The following CCSER1 variants were observed in gnomAD, a reference collection of about 807,000 sequenced individuals.
CCSER1 encodes serine-rich coiled-coil domain-containing protein 1.
Under a neutral mutation model 82.0 loss-of-function variants are expected in CCSER1, and 41 were observed. The observed-to-expected ratio is 0.50, with a 90% CI of 0.39 to 0.65. The LOEUF (loss-of-function observed/expected upper bound fraction) is 0.65. Ranked by LOEUF, CCSER1 falls within the 30% of genes least tolerant of loss-of-function variation. The pLI, the probability that CCSER1 is intolerant of heterozygous loss-of-function variation, is 0.00. For synonymous variants in CCSER1, 414 were observed against 383.9 expected, an observed-to-expected ratio of 1.08 and a Z score of -0.92; for missense variants, 1,119 against 1,064.2, an observed-to-expected ratio of 1.05 and a Z score of -0.72.
chr4:91,235,818 G>A (rs182925712), intron 10 of CCSER1, among the ~76,000 whole-genome samples: 2 of 152,174 alleles, frequency 1.3e-5, no homozygotes, highest in South Asian at 2.1e-4. Context: ...TTTTCCCTAA[G>A]TATAGAATGA....
intron 6 of CCSER1, chr4:90,649,359 T>C (rs577679474): frequency 6.6e-6 from 1 of 152,334 alleles, no homozygotes; most frequent in Admixed American, 6.5e-5. Flanking sequence ...GCCCTCTCAA[T>C]ATTCACATGT....
intron 1 of CCSER1, among the ~76,000 whole-genome samples, chr4:90,267,289 C>T (rs559296871): frequency 1.3e-5 from 2 of 152,084 alleles, no homozygotes; most frequent in African/African-American, 4.8e-5. Context: ...GGGGGAAAGA[C>T]TTTGTCATGT....
intron 1 of CCSER1, among the ~76,000 whole-genome samples, chr4:90,189,284 C>T (rs1028877010): frequency 2.0e-5 from 3 of 151,838 alleles, no homozygotes; most frequent in Admixed American, 2.0e-4. Context: ...ATTACAAGTA[C>T]AATACAATGT....
At chr4:91,511,415 G>C (rs928013287) in intron 10 of CCSER1, among the ~76,000 whole-genome samples, 2 of 152,104 alleles carry the variant, frequency 1.3e-5, no homozygotes, top group African/African-American at 4.8e-5. Context: ...GCTCTGGGTA[G>C]TATGGCCATT....
At chr4:91,004,215 G>C (rs551359951) in intron 9 of CCSER1, among the ~76,000 whole-genome samples, 2 of 152,124 alleles carry the variant, frequency 1.3e-5, no homozygotes, top group Non-Finnish European at 2.9e-5. Flanking sequence ...CTGCAAATGA[G>C]CTGCAATCTA....
At chr4:90,783,969 AC>A (rs1443966314) in intron 7 of CCSER1, among the ~76,000 whole-genome samples, 1 of 151,828 alleles carries the variant, frequency 6.6e-6, no homozygotes, top group East Asian at 1.9e-4. Context: ...GCTGCAACTT[AC>A]AAAAAAAAAG....
chr4:90,350,110 A>G (rs1368190687), intron 3 of CCSER1, among the ~76,000 whole-genome samples: 5 of 152,186 alleles, frequency 3.3e-5, no homozygotes, highest in Non-Finnish European at 7.4e-5. Context: ...TGAATTAATA[A>G]GTCATGAACA....
At chr4:91,068,356 T>C (rs1721060566) in intron 9 of CCSER1, among the ~76,000 whole-genome samples, 1 of 152,206 alleles carries the variant, frequency 6.6e-6, no homozygotes, top group African/African-American at 2.4e-5. Context: ...AACATTGATC[T>C]GTGAGATAAA....
intron 6 of CCSER1, among the ~76,000 whole-genome samples, chr4:90,632,413 A>G (rs1724623073): frequency 1.3e-5 from 2 of 151,986 alleles, no homozygotes; most frequent in Non-Finnish European, 2.9e-5. Context: ...CACCATAACA[A>G]CATAAATCAT....
chr4:90,485,915 A>G (rs978472969), intron 5 of CCSER1, among the ~76,000 whole-genome samples: 7 of 152,106 alleles, frequency 4.6e-5, no homozygotes, highest in Admixed American at 3.9e-4. Flanking sequence ...TTTAATGGCT[A>G]CGTATATACT....
chr4:91,463,249 G>T lies in CCSER1; in HGVS notation c.2218-135323G>T, dbSNP rs1413816346. On this transcript the variant is annotated intron_variant, in intron 10 of 10. Coordinates refer to ENST00000509176, the MANE Select transcript of CCSER1 (RefSeq NM_001145065.2). Reference sequence around the variant, plus strand: ...CGCTGCTGATACCCAGGCAAACAGGGTCTGGAGTGGACCTCCAGCAAACTC... The same window carrying T: ...CGCTGCTGATACCCAGGCAAACAGGTTCTGGAGTGGACCTCCAGCAAACTC... 2.0e-5 allele frequency among the ~76,000 whole-genome samples: 3 copies of T among 152,188 alleles called. No homozygotes were observed. In the East Asian group the frequency reaches 5.8e-4, roughly 29 times the overall value.
rs1028217087 is a variant in CCSER1 at position 91,018,286 on chromosome 4, C to T, written c.2173-67664C>T. Reference sequence around the variant, plus strand: ...TATTTCTTTTCTTAATAAATGGTACCACTGAAGCTAGAAAGCCATTGCCCT... The same window carrying T: ...TATTTCTTTTCTTAATAAATGGTACTACTGAAGCTAGAAAGCCATTGCCCT... On this transcript the variant is annotated intron_variant, in intron 9 of 10. Coordinates refer to ENST00000509176, the MANE Select transcript of CCSER1 (RefSeq NM_001145065.2). Among the ~76,000 whole-genome samples the T allele has an allele frequency of 2.6e-5, 4 of 152,118 alleles. No homozygotes were observed. The East Asian group carries it at 7.7e-4, about 29-fold the overall frequency.
chr4:91,009,221 T>C (rs1336668831), intron 9 of CCSER1, among the ~76,000 whole-genome samples: 1 of 152,094 alleles, frequency 6.6e-6, no homozygotes, highest in African/African-American at 2.4e-5. Flanking sequence ...CAAGATTTAA[T>C]AGAGTGAAAA....
intron 10 of CCSER1, among the ~76,000 whole-genome samples, chr4:91,346,088 G>A (rs1578232995): frequency 6.6e-6 from 1 of 150,642 alleles, no homozygotes; most frequent in Non-Finnish European, 1.5e-5. Flanking sequence ...CAGTGGTGTG[G>A]TCTTGGCTCA....
At chr4:90,710,180 G>A (rs116000212) in intron 6 of CCSER1, among the ~76,000 whole-genome samples, 3,118 of 152,116 alleles carry the variant, frequency 0.02, 43 homozygotes, top group Non-Finnish European at 0.027. Flanking sequence ...CTAGACTCTG[G>A]ATATTAGACC....
intron 10 of CCSER1, among the ~76,000 whole-genome samples, chr4:91,091,548 T>G (rs1158832142): frequency 6.6e-6 from 1 of 152,108 alleles, no homozygotes; most frequent in African/African-American, 2.4e-5. Context: ...ATAAGGAAAA[T>G]AAGTCCCACG....
In CCSER1 at chr4:91,389,956, A is replaced by T. The variant is rs529646070; in HGVS notation, c.2218-208616A>T. On this transcript the variant is annotated intron_variant, in intron 10 of 10. Coordinates refer to ENST00000509176, the MANE Select transcript of CCSER1 (RefSeq NM_001145065.2). ...ATTGTTATAATCACTAGTTCCAGAA[A>T]TTTTTTGTAGATTATTTGGGATTTT... Among the ~76,000 whole-genome samples the T allele has an allele frequency of 3.9e-5, 6 of 152,132 alleles. No individual in the cohort carries two copies. The South Asian group carries it at 8.3e-4, about 21-fold the overall frequency.
intron 1 of CCSER1, among the ~76,000 whole-genome samples, chr4:90,302,714 G>A (rs1733392317): frequency 6.6e-6 from 1 of 152,150 alleles, no homozygotes; most frequent in South Asian, 2.1e-4. Flanking sequence ...GAGGTAGAAG[G>A]ATGGCTTGAG....
chr4:91,590,172 T>C (rs1764198076), intron 10 of CCSER1, among the ~76,000 whole-genome samples: 1 of 152,056 alleles, frequency 6.6e-6, no homozygotes, highest in Non-Finnish European at 1.5e-5. Flanking sequence ...GTTTGTGTCC[T>C]AAATGCCCAC....
Sources: gnomAD v4.1 joint callset for allele counts (sites outside exome capture counted in the v4.1 genomes callset) on GRCh38, gnomAD v4.1.1 for gene constraint, MANE v1.5 for transcripts, NCBI Gene and HGNC (gene_info 2026-07-23, HGNC 2026-07-21) for gene names.